Variants in RPH3A observed in about 807,000 individuals in gnomAD.
RPH3A encodes rabphilin-3A.
In RPH3A, 48 loss-of-function variants were observed where a neutral mutation model predicts 102.2. That is an observed-to-expected ratio of 0.47 (90% CI 0.37 to 0.60). The LOEUF (loss-of-function observed/expected upper bound fraction) is 0.60. Ranked by LOEUF, RPH3A falls within the 20% of genes least tolerant of loss-of-function variation. The pLI, the probability that RPH3A is intolerant of heterozygous loss-of-function variation, is 0.00. For synonymous variants in RPH3A, 310 were observed against 324.3 expected (o/e 0.96, Z 0.47); for missense variants, 781 against 910.1 (o/e 0.86, Z 1.83).
At chr12:112,888,775 C>T in intron 17 of RPH3A, among the ~76,000 whole-genome samples, 1 of 152,240 alleles carries the variant, frequency 6.6e-6, no homozygotes, top group East Asian at 1.9e-4. Context: ...CCGGGGGATT[C>T]TAAAACCAGA....
At chr12:112,829,138 TA>T in intron 3 of RPH3A, among the ~76,000 whole-genome samples, 1 of 152,360 alleles carries the variant, frequency 6.6e-6, no homozygotes, top group South Asian at 2.1e-4. Context: ...CTGTCGATCT[TA>T]TATTAGACGG....
chr12:112,866,202 C>A (rs2042609097), intron 6 of RPH3A, among the ~76,000 whole-genome samples: 1 of 152,196 alleles, frequency 6.6e-6, no homozygotes, highest in Non-Finnish European at 1.5e-5. Context: ...AGAATGAAAT[C>A]TTGCGAAAAG....
intron 4 of RPH3A, among the ~76,000 whole-genome samples, chr12:112,838,807 T>C (rs1256773737): frequency 6.6e-6 from 1 of 152,136 alleles, no homozygotes; most frequent in Non-Finnish European, 1.5e-5. Flanking sequence ...GCCTTCCATT[T>C]TGCCCTGTTT....
chr12:112,611,957 A>G (rs1438142701), intron 1 of RPH3A, among the ~76,000 whole-genome samples: 1 of 152,216 alleles, frequency 6.6e-6, no homozygotes, highest in African/African-American at 2.4e-5. Flanking sequence ...GCATTTGTCA[A>G]ATATAGGCAC....
intron 1 of RPH3A, among the ~76,000 whole-genome samples, chr12:112,720,551 A>C (rs540947283): frequency 6.6e-6 from 1 of 152,350 alleles, no homozygotes; most frequent in East Asian, 1.9e-4. Context: ...GCTGTGTAAC[A>C]AACCACCTCT....
At chr12:112,832,399 T>G (rs1374728640) in intron 3 of RPH3A, among the ~76,000 whole-genome samples, 1 of 152,224 alleles carries the variant, frequency 6.6e-6, no homozygotes, top group Non-Finnish European at 1.5e-5. Flanking sequence ...TTCTTAAATA[T>G]TTCACATATA....
At chr12:112,769,658 T>C (rs1244054929) in intron 1 of RPH3A, among the ~76,000 whole-genome samples, 1 of 152,182 alleles carries the variant, frequency 6.6e-6, no homozygotes, top group African/African-American at 2.4e-5. Flanking sequence ...AACTAATTGG[T>C]AGTGGAAAGA....
At chr12:112,612,707 G>A (rs2039648358) in intron 1 of RPH3A, among the ~76,000 whole-genome samples, 1 of 151,754 alleles carries the variant, frequency 6.6e-6, no homozygotes, top group Non-Finnish European at 1.5e-5. Context: ...TGGGACTACA[G>A]GTGTGCACTG....
At chr12:112,741,284 C>A (rs2040707519) in intron 1 of RPH3A, among the ~76,000 whole-genome samples, 1 of 152,174 alleles carries the variant, frequency 6.6e-6, no homozygotes, top group Admixed American at 6.5e-5. Context: ...TCCTGTTGGG[C>A]TCCCCTGTGC....
chr12:112,865,362 C>T, intron 5 of RPH3A, 52 bp from the exon 6 acceptor site: 1 of 1,598,090 alleles, frequency 6.3e-7, no homozygotes. Context: ...GTGGGGTATG[C>T]TGGTGGTCCC....
chr12:112,581,230 C>A (rs2039398542), intron 1 of RPH3A, among the ~76,000 whole-genome samples: 2 of 152,096 alleles, frequency 1.3e-5, no homozygotes, highest in Non-Finnish European at 2.9e-5. Context: ...ACTGGGGAGG[C>A]CTCACAATCA....
At chr12:112,707,233 T>A (rs1286515217) in intron 1 of RPH3A, among the ~76,000 whole-genome samples, 1 of 152,228 alleles carries the variant, frequency 6.6e-6, no homozygotes, top group African/African-American at 2.4e-5. Context: ...TGTCACTCAT[T>A]AGCTGTGTGG....
chr12:112,881,932 C>A, intron 15 of RPH3A, 86 bp downstream of exon 15: 3 of 995,436 alleles, frequency 3.0e-6, no homozygotes, highest in Non-Finnish European at 4.5e-6. Context: ...CCCAAAATAG[C>A]CTTATCTGCC....
At chr12:112,849,431 GTGTGCATGTGTGTGTA>G (rs2042285680) in intron 5 of RPH3A, among the ~76,000 whole-genome samples, 1 of 139,790 alleles carries the variant, frequency 7.2e-6, no homozygotes, top group Non-Finnish European at 1.5e-5. Flanking sequence ...GTGTGTGTGT[GTGTGCATGTGTGTGTA>G]TGTGTGTGTA....
intron 5 of RPH3A, chr12:112,850,854 G>A (rs986707416): frequency 6.6e-6 from 1 of 152,152 alleles, no homozygotes; most frequent in African/African-American, 2.4e-5. Flanking sequence ...CCCATCAAAT[G>A]ACTCAGTCTC....
At chr12:112,647,360 G>A (rs1004609853) in intron 1 of RPH3A, among the ~76,000 whole-genome samples, 4 of 152,158 alleles carry the variant, frequency 2.6e-5, no homozygotes, top group Non-Finnish European at 5.9e-5. Context: ...TACAATGGAA[G>A]AATAAAGGTA....
intron 1 of RPH3A, among the ~76,000 whole-genome samples, chr12:112,784,313 G>A (rs895890361): frequency 1.3e-5 from 2 of 152,110 alleles, no homozygotes; most frequent in African/African-American, 4.8e-5. Context: ...CCCCCAGGCA[G>A]GTTTTCCAGC....
chr12:112,794,132 G>T (rs891621258), intron 2 of RPH3A, among the ~76,000 whole-genome samples: 1 of 152,148 alleles, frequency 6.6e-6, no homozygotes, highest in Non-Finnish European at 1.5e-5. Flanking sequence ...GTGCATTGTG[G>T]TGCACCAGGG....
intron 1 of RPH3A, among the ~76,000 whole-genome samples, chr12:112,777,260 G>A (rs1318778555): frequency 1.3e-5 from 2 of 152,230 alleles, no homozygotes; most frequent in African/African-American, 2.4e-5. Flanking sequence ...CCTTGCTGCT[G>A]CTGCTGTTGT....
Sources: allele counts gnomAD v4.1 joint callset (sites outside exome capture counted in the v4.1 genomes callset), GRCh38; gene constraint gnomAD v4.1.1; transcripts MANE v1.5; gene names NCBI Gene and HGNC (gene_info 2026-07-23, HGNC 2026-07-21).